ZC3H13: variants seen among roughly 807,000 people sequenced by gnomAD.
ZC3H13 encodes zinc finger CCCH-type containing 13.
In ZC3H13, 64 loss-of-function variants were observed where a neutral mutation model predicts 204.1. That is an observed-to-expected ratio of 0.31 (90% CI 0.26 to 0.39). The LOEUF is 0.39. ZC3H13 is among the 10% of genes least tolerant of loss of function. The pLI is 1.00. For missense variants in ZC3H13, 1,833 were observed against 2,082.7 expected, an observed-to-expected ratio of 0.88 and a Z score of 2.33; for synonymous variants, 667 against 693.7, an observed-to-expected ratio of 0.96 and a Z score of 0.60.
At chr13:46,037,162 A>C (rs2043261374) in intron 4 of ZC3H13, among the ~76,000 whole-genome samples, 1 of 152,244 alleles carries the variant, frequency 6.6e-6, no homozygotes, top group African/African-American at 2.4e-5. Context: ...TAATGCCAAT[A>C]AACTGTGCAT....
At chr13:45,958,648 G>GTTTTTTTTTTTTTTTTTTTTTTTT (rs10539884) in intron 18 of ZC3H13, among the ~76,000 whole-genome samples, 1 of 123,706 alleles carries the variant, frequency 8.1e-6, no homozygotes, top group Non-Finnish European at 1.7e-5. Context: ...AAAAATCCCA[G>GTTTTTTTTTTTTTTTTTTTTTTTT]TTTTTTTTTT....
At chr13:46,007,522 G>A (rs1469448588) in intron 7 of ZC3H13, among the ~76,000 whole-genome samples, 2 of 152,156 alleles carry the variant, frequency 1.3e-5, no homozygotes, top group African/African-American at 4.8e-5. Flanking sequence ...CTTCTGTTGT[G>A]TTAAACCACC....
intron 5 of ZC3H13, among the ~76,000 whole-genome samples, chr13:46,019,850 G>C (rs1263702918): frequency 6.6e-6 from 1 of 152,102 alleles, no homozygotes; most frequent in African/African-American, 2.4e-5. Context: ...CTCCCAAAGT[G>C]CTGAGATAAC....
At chr13:46,036,366 C>T (rs1425783131) in intron 4 of ZC3H13, among the ~76,000 whole-genome samples, 1 of 152,080 alleles carries the variant, frequency 6.6e-6, no homozygotes, top group Non-Finnish European at 1.5e-5. Context: ...CACCTATAGA[C>T]TGAGAATTGA....
chr13:46,040,725 A>G (rs1480884376), intron 4 of ZC3H13, among the ~76,000 whole-genome samples: 2 of 152,206 alleles, frequency 1.3e-5, no homozygotes, highest in Non-Finnish European at 1.5e-5. Context: ...ACTTGTATCC[A>G]AAATAAAGAG....
chr13:45,963,048 G>A, intron 17 of ZC3H13: 2 of 985,184 alleles, frequency 2.0e-6, no homozygotes, highest in Non-Finnish European at 2.4e-6. Context: ...ATATTTATTG[G>A]GTATTACTAT....
intron 4 of ZC3H13, among the ~76,000 whole-genome samples, chr13:46,040,582 CA>C (rs913288923): frequency 6.6e-6 from 1 of 150,806 alleles, no homozygotes; most frequent in Non-Finnish European, 1.5e-5. Context: ...ACAATAATAA[CA>C]AAAAAAACAA....
chr13:46,035,634 A>T (rs2043164728), intron 4 of ZC3H13, among the ~76,000 whole-genome samples: 1 of 152,290 alleles, frequency 6.6e-6, no homozygotes, highest in Admixed American at 6.5e-5. Flanking sequence ...CATTTGATCT[A>T]TTTACCCCTA....
Position 45,957,236 on chromosome 13 carries a change from C to G in ZC3H13, c.4901G>C (p.Ser1634Thr). 6.5e-7 allele frequency: 1 copy of G among 1,548,428 alleles called. No homozygotes were observed. Among genetic ancestry groups the G allele is most frequent in the South Asian group, 1.2e-5 (1 of 83,482 alleles). The change falls in exon 19 of 19, where the codon AGT (serine) becomes ACT (threonine). Residue 1634 changes from serine (S) to threonine (T), a missense_variant. Transcript: ENST00000679008. ...PMVDNELLRLSLRLFKRKTTC... is the reference protein window; with the variant it reads ...PMVDNELLRLTLRLFKRKTTC... ...AGTCTTCCGCTTAAATAACCGAAGACTCAATCGAAGTAATTCATTGTCTAC... is the reference window on the plus strand; with the variant it reads ...AGTCTTCCGCTTAAATAACCGAAGAGTCAATCGAAGTAATTCATTGTCTAC...
intron 4 of ZC3H13, among the ~76,000 whole-genome samples, chr13:46,028,179 T>C (rs1045070120): frequency 1.3e-5 from 2 of 152,208 alleles, no homozygotes; most frequent in African/African-American, 2.4e-5. Flanking sequence ...TGAGTAGGTA[T>C]ATTAATTTCA....
intron 8 of ZC3H13, among the ~76,000 whole-genome samples, chr13:45,991,660 T>C (rs1000071825): frequency 1.3e-5 from 2 of 152,174 alleles, no homozygotes; most frequent in African/African-American, 4.8e-5. Flanking sequence ...TTAGTGAAAC[T>C]TGAAATTCAA....
chr13:46,044,815 C>T (rs1031024978), intron 3 of ZC3H13, 140 bp downstream of exon 3: 10 of 426,218 alleles, frequency 2.3e-5, no homozygotes, highest in African/African-American at 1.2e-4. Flanking sequence ...AAGATCCTGT[C>T]GATCTTCAAT....
chr13:45,967,227 A>G (rs1410789188), intron 15 of ZC3H13, among the ~76,000 whole-genome samples: 1 of 152,190 alleles, frequency 6.6e-6, no homozygotes, highest in Non-Finnish European at 1.5e-5. Flanking sequence ...TTATTCTTCA[A>G]CATCTATACA....
intron 3 of ZC3H13, 137 bp from the exon 4 acceptor site, chr13:46,042,412 C>G: frequency 3.7e-6 from 2 of 540,474 alleles, no homozygotes; most frequent in Non-Finnish European, 6.1e-6. Flanking sequence ...TTCTAACTGA[C>G]CTTGACTCCT....
chr13:46,048,949 C>T (rs571652311), intron 1 of ZC3H13, among the ~76,000 whole-genome samples: 1 of 151,816 alleles, frequency 6.6e-6, no homozygotes, highest in Non-Finnish European at 1.5e-5. Flanking sequence ...GCCAACAGAT[C>T]GAGACCATCC....
intron 4 of ZC3H13, among the ~76,000 whole-genome samples, chr13:46,034,408 A>G (rs1286277671): frequency 1.3e-5 from 2 of 152,218 alleles, no homozygotes; most frequent in South Asian, 4.1e-4. Flanking sequence ...GAGAATGGCT[A>G]AACAAATTTT....
At chr13:46,004,919 T>C (rs967522993) in intron 7 of ZC3H13, among the ~76,000 whole-genome samples, 1 of 152,210 alleles carries the variant, frequency 6.6e-6, no homozygotes, top group Admixed American at 6.5e-5. Flanking sequence ...TTTAAGTAAA[T>C]AGTATAACTT....
chr13:45,978,649 C>G (rs1953272893), intron 11 of ZC3H13, among the ~76,000 whole-genome samples: 1 of 151,790 alleles, frequency 6.6e-6, no homozygotes, highest in Non-Finnish European at 1.5e-5. Flanking sequence ...TGTGGTTGAA[C>G]TAACCATAAG....
At chr13:45,957,962 T>C (rs1211620307) in intron 18 of ZC3H13, among the ~76,000 whole-genome samples, 1 of 152,210 alleles carries the variant, frequency 6.6e-6, no homozygotes, top group Non-Finnish European at 1.5e-5. Flanking sequence ...TGGAAAGTTA[T>C]TGTCATAGAG....
Sources: allele counts gnomAD v4.1 joint callset (sites outside exome capture counted in the v4.1 genomes callset), GRCh38; gene constraint gnomAD v4.1.1; transcripts MANE v1.5; gene names NCBI Gene and HGNC (gene_info 2026-07-23, HGNC 2026-07-21).